Variants in DNTTIP1 observed in about 807,000 individuals in gnomAD.
The protein encoded by DNTTIP1 is deoxynucleotidyltransferase terminal-interacting protein 1.
Under a neutral mutation model 52.9 loss-of-function variants are expected in DNTTIP1, and 22 were observed. The observed-to-expected ratio is 0.42, with a 90% CI of 0.30 to 0.59. The LOEUF (loss-of-function observed/expected upper bound fraction) is 0.59, where lower values mean the gene tolerates loss of function less well. Among genes scored for constraint, DNTTIP1 ranks in the 20% least tolerant of loss-of-function variants. The probability of loss-of-function intolerance (pLI) is 0.22; values close to 1 mark genes in which losing one functional copy is unlikely to be tolerated. For missense variants in DNTTIP1, 286 were observed against 435.5 expected (o/e 0.66, Z 3.06); for synonymous variants, 136 against 155.1 (o/e 0.88, Z 0.92).
At position 45,811,102 on chromosome 20, in the gene DNTTIP1, A is replaced by G. The variant is rs1385133719; in HGVS notation, c.897A>G (p.Leu299=). The G allele has an allele frequency of 6.2e-7, 1 of 1,613,994 alleles. No individual in the cohort carries two copies. Among genetic ancestry groups the G allele is most frequent in the South Asian group, 1.1e-5 (1 of 91,078 alleles). Residue 299 remains leucine (L), a synonymous_variant, in exon 13 of 13, where the codon CTA becomes CTG. Coordinates refer to ENST00000372622, the MANE Select transcript of DNTTIP1 (RefSeq NM_052951.3). ...LKLEELKSFV[L]PSWMVEKMRK... ...TAGAGGAATTGAAATCCTTTGTCCTACCCTCCTGGATGGTGGAGAAGATGA... is the reference window on the plus strand; with the variant it reads ...TAGAGGAATTGAAATCCTTTGTCCTGCCCTCCTGGATGGTGGAGAAGATGA...
chr20:45,806,027 A>G (rs1981630483), intron 10 of DNTTIP1, among the ~76,000 whole-genome samples: 1 of 150,128 alleles, frequency 6.7e-6, no homozygotes, highest in Non-Finnish European at 1.5e-5. Context: ...GGTTGTGGTG[A>G]GCCGAGATCA....
chr20:45,810,970 C>T, intron 12 of DNTTIP1, 30 bp downstream of exon 12: 1 of 1,614,108 alleles, frequency 6.2e-7, no homozygotes, highest in Non-Finnish European at 8.5e-7. Flanking sequence ...TGCCCCTTCT[C>T]CTCTCCCTGC....
In DNTTIP1 at chr20:45,803,350, G is replaced by A. The variant is rs1166797144; in HGVS notation, c.575G>A (p.Cys192Tyr). 2 of 1,614,156 alleles carry A rather than the reference G, an allele frequency of 1.2e-6. No individual in the cohort carries two copies. Among genetic ancestry groups the A allele is most frequent in the Admixed American group, 3.3e-5 (2 of 60,018 alleles). ...CCAAGCAGATGGAAACCAAAATCCT[G>A]TGAACCAATTCGCCGGGAAGGCCCC... is the stretch of plus-strand genomic sequence containing the variant. The part of the protein sequence containing the change: ...AAGMVWKPKS[C>Y]EPIRREGPKW... Residue 192 changes from cysteine to tyrosine, a missense_variant, in exon 8 of 13, where the codon TGT (cysteine) becomes TAT (tyrosine). By Grantham distance (194) the Cys-to-Tyr change is radical. Transcript: ENST00000372622.
chr20:45,811,325 T>C lies in DNTTIP1; in HGVS notation c.*130T>C. On this transcript the variant is annotated 3_prime_UTR_variant, in exon 13 of 13. Coordinates refer to ENST00000372622, the MANE Select transcript of DNTTIP1 (RefSeq NM_052951.3). Reference sequence around the variant, plus strand: ...AAGCTGTGCCTGAGCGAGTTTGTAGTGACTCACTGCACAGCACCCCCAGAC... The same window carrying C: ...AAGCTGTGCCTGAGCGAGTTTGTAGCGACTCACTGCACAGCACCCCCAGAC... 2 of 1,026,134 alleles carry C rather than the reference T, an allele frequency of 1.9e-6. No homozygotes were observed. The highest frequency in any genetic ancestry group is 2.8e-6 in the Non-Finnish European group (2 of 713,598). The allele number at this position is 1,026,134 out of a possible 1,614,324, so 63.6% of individuals were successfully genotyped here. A position where few individuals can be genotyped will look rare whatever the true frequency, so the allele number is the denominator to read the frequency against.
chr20:45,808,572 G>A (rs186933569), intron 10 of DNTTIP1, among the ~76,000 whole-genome samples: 10 of 152,256 alleles, frequency 6.6e-5, no homozygotes, highest in East Asian at 5.8e-4. Flanking sequence ...CCCAGGAGGC[G>A]GAGGTTGTGA....
chr20:45,798,042 T>C (rs1468310627), intron 4 of DNTTIP1, among the ~76,000 whole-genome samples: 1 of 152,226 alleles, frequency 6.6e-6, no homozygotes, highest in South Asian at 2.1e-4. Flanking sequence ...CATATGTTTA[T>C]TGTGGCACTA....
intron 6 of DNTTIP1, 134 bp from the exon 7 acceptor site, chr20:45,801,864 GT>G: frequency 1.1e-6 from 1 of 936,732 alleles, no homozygotes. Flanking sequence ...ATGAGAGGCA[GT>G]TTTTCTCCCT....
At chr20:45,792,133 T>G (rs1981037937) in intron 1 of DNTTIP1, 24 bp downstream of exon 1, 1 of 1,237,270 alleles carries the variant, frequency 8.1e-7, no homozygotes, top group Non-Finnish European at 1.0e-6. Flanking sequence ...CGGTGAGGTC[T>G]GGGCTCAGGC....
At chr20:45,800,962 C>A in intron 4 of DNTTIP1, 112 bp from the exon 5 acceptor site, 1 of 898,874 alleles carries the variant, frequency 1.1e-6, no homozygotes, top group Non-Finnish European at 1.8e-6. Context: ...CTGCTGCACT[C>A]CAGCCTGAGC....
At chr20:45,808,790 C>T (rs1306703234) in intron 10 of DNTTIP1, among the ~76,000 whole-genome samples, 6 of 152,120 alleles carry the variant, frequency 3.9e-5, no homozygotes, top group South Asian at 2.1e-4. Flanking sequence ...TAATTACAGA[C>T]GTTATAAGCC....
chr20:45,800,994 CA>C (rs138893029), intron 4 of DNTTIP1, 79 bp from the exon 5 acceptor site: 165,527 of 953,600 alleles, frequency 0.17, 1,081 homozygotes, highest in East Asian at 0.24. Flanking sequence ...ACTCTGTCTC[CA>C]AAAAAAAAAA....
Position 45,810,950 on chromosome 20 carries a change from G to C in DNTTIP1, c.851+10G>C. ...CCAGTGATGATTACAGGTAAAACCA[G>C]TGGGTCTCCTGCCCCTTCTCCTCTC... On this transcript the variant is annotated intron_variant, in intron 12 of 12. Transcript: ENST00000372622. The C allele has an allele frequency of 6.2e-7, 1 of 1,614,174 alleles. No homozygotes were observed.
At chr20:45,810,517 C>T (rs1036035678) in intron 11 of DNTTIP1, among the ~76,000 whole-genome samples, 1 of 150,866 alleles carries the variant, frequency 6.6e-6, no homozygotes, top group Non-Finnish European at 1.5e-5. Context: ...CTTTCGTATA[C>T]TTGATCTTAA....
rs758609028 is a variant in DNTTIP1 at position 45,793,903 on chromosome 20, T to C, written c.177-18T>C. 3 of 1,547,980 alleles carry C rather than the reference T, an allele frequency of 1.9e-6. No individual in the cohort carries two copies. Among genetic ancestry groups the C allele is most frequent in the Non-Finnish European group, 2.6e-6 (3 of 1,136,462 alleles). On this transcript the variant is annotated intron_variant, in intron 2 of 12. Coordinates refer to ENST00000372622, the MANE Select transcript of DNTTIP1 (RefSeq NM_052951.3). ...GTTTGGGACATGCCCCCTCACCCTG[T>C]CTCCCTCCTGAATGCAGTTTCACAG...
chr20:45,804,050 C>T (rs147324440), intron 8 of DNTTIP1, among the ~76,000 whole-genome samples: 31 of 152,294 alleles, frequency 2.0e-4, no homozygotes, highest in Non-Finnish European at 3.8e-4. Context: ...AACATATACT[C>T]TTATGGTTTC....
intron 4 of DNTTIP1, among the ~76,000 whole-genome samples, chr20:45,797,960 G>A (rs1981296972): frequency 6.6e-6 from 1 of 152,164 alleles, no homozygotes; most frequent in South Asian, 2.1e-4. Context: ...AATACCATTT[G>A]ACCCAGCCAT....
At chr20:45,810,163 TTACTCAAGGAA>T (rs1981777627) in intron 11 of DNTTIP1, among the ~76,000 whole-genome samples, 1 of 152,110 alleles carries the variant, frequency 6.6e-6, no homozygotes, top group African/African-American at 2.4e-5. Context: ...TGTAGACAAA[TTACTCAAGGAA>T]TACACAATTA....
At position 45,802,157 on chromosome 20, in the gene DNTTIP1, A is replaced by G. The variant is rs73306486; in HGVS notation, c.557+100A>G. 4,581 of 1,311,282 alleles carry G rather than the reference A, an allele frequency of 3.5e-3. 126 individuals carry two copies. In the African/African-American group the frequency reaches 0.059, roughly 17 times the overall value. 81.2% of individuals were successfully genotyped at this position (1,311,282 alleles called of 1,614,324 possible). On this transcript the variant is annotated intron_variant, in intron 7 of 12. Coordinates refer to ENST00000372622, the MANE Select transcript of DNTTIP1 (RefSeq NM_052951.3). ...AGGGTTCTGTGCCTGTCAAAATCAG[A>G]TCCATCAGCTTAAGTCATCGTGGAG...
At chr20:45,795,317 G>C in intron 3 of DNTTIP1, 28 bp from the exon 4 acceptor site, 2 of 1,445,792 alleles carry the variant, frequency 1.4e-6, no homozygotes, top group South Asian at 2.4e-5. Context: ...ACAGGACTCT[G>C]ACCTTGTCCT....
Sources: allele counts gnomAD v4.1 joint callset (sites outside exome capture counted in the v4.1 genomes callset), GRCh38; gene constraint gnomAD v4.1.1; transcripts MANE v1.5; gene names NCBI Gene and HGNC (gene_info 2026-07-23, HGNC 2026-07-21).